TTC39A: variants seen among roughly 807,000 people sequenced by gnomAD.
TTC39A encodes the protein tetratricopeptide repeat domain 39A, also known as tetratricopeptide repeat protein 39A.
TTC39A carries 46 observed loss-of-function variants against 82.3 expected under a neutral mutation model. That is an observed-to-expected ratio of 0.56 (90% CI 0.44 to 0.71). The LOEUF (loss-of-function observed/expected upper bound fraction) is 0.71. Ranked by LOEUF, TTC39A falls within the 30% of genes least tolerant of loss-of-function variation. The pLI, the probability that TTC39A is intolerant of heterozygous loss-of-function variation, is 0.00. For missense variants in TTC39A, 543 were observed against 712.9 expected, an observed-to-expected ratio of 0.76 and a Z score of 2.71; for synonymous variants, 254 against 275.2, an observed-to-expected ratio of 0.92 and a Z score of 0.76.
rs142629285 is a variant in TTC39A, at chr1:51,321,944, C to A, written c.42-119G>T. Reference sequence around the variant, plus strand: ...CCTGGCCAGCCTTGGGTGCCTGTCACGAGCTCCTCCAGGCTGCCACTCTGT... The same window carrying A: ...CCTGGCCAGCCTTGGGTGCCTGTCAAGAGCTCCTCCAGGCTGCCACTCTGT... On this transcript the variant is annotated intron_variant, in intron 1 of 17. Coordinates refer to ENST00000680483, the MANE Select transcript of TTC39A (RefSeq NM_001297663.2). This position sits in a 1 kb window ranked among gnomAD's most constrained non-coding sequence, Gnocchi z 4.6. 1.5e-6 allele frequency: 2 copies of A among 1,317,200 alleles called. No individual in the cohort carries two copies. The highest frequency in any genetic ancestry group is 2.1e-6 in the Non-Finnish European group (2 of 947,956). 81.6% of individuals were successfully genotyped at this position (1,317,200 alleles called of 1,614,324 possible). A position where few individuals can be genotyped will look rare whatever the true frequency, so the allele number is the denominator to read the frequency against.
chr1:51,323,180 G>C (rs1049282252), intron 1 of TTC39A, among the ~76,000 whole-genome samples: 1 of 151,956 alleles, frequency 6.6e-6, no homozygotes, highest in Non-Finnish European at 1.5e-5. Flanking sequence ...AATTCCCCAA[G>C]CCAAAAATCT....
At chr1:51,344,832 G>C (rs969579552) in intron 1 of TTC39A, among the ~76,000 whole-genome samples, 10 of 152,158 alleles carry the variant, frequency 6.6e-5, no homozygotes, top group Admixed American at 6.5e-4. Context: ...GGCGCGCGGC[G>C]CTGCCCCTCT....
intron 1 of TTC39A, among the ~76,000 whole-genome samples, chr1:51,341,064 G>A (rs746028009): frequency 1.1e-4 from 16 of 152,126 alleles, no homozygotes; most frequent in South Asian, 2.1e-4. Flanking sequence ...CCAGCTACTC[G>A]GGAGGCTGAG....
chr1:51,332,624 G>A (rs1282177042), upstream of TTC39A, among the ~76,000 whole-genome samples: 1 of 152,232 alleles, frequency 6.6e-6, no homozygotes, highest in East Asian at 1.9e-4. Flanking sequence ...CTGTGCTGTT[G>A]TTACAGCGGA....
chr1:51,310,700 G>A lies in TTC39A; in HGVS notation c.423+554C>T, dbSNP rs555053930. Among the ~76,000 whole-genome samples, 5 of 152,242 alleles carry A rather than the reference G, an allele frequency of 3.3e-5. No individual in the cohort carries two copies. The South Asian group carries it at 8.3e-4, about 25-fold the overall frequency. On this transcript the variant is annotated intron_variant, in intron 5 of 17. Coordinates refer to ENST00000680483, the MANE Select transcript of TTC39A (RefSeq NM_001297663.2). ...GTGAGGAGACCTGGGCTCCAACTTC[G>A]TCAGACCTAGGTTCAAATCCCTGCT...
intron 2 of TTC39A, among the ~76,000 whole-genome samples, chr1:51,320,194 T>G (rs1052830599): frequency 6.6e-6 from 1 of 152,074 alleles, no homozygotes; most frequent in African/African-American, 2.4e-5. Flanking sequence ...TTCAGCATTT[T>G]GGGAAAAACT....
In TTC39A at chr1:51,321,911, T is replaced by C; in HGVS notation, c.42-86A>G. 1.4e-6 allele frequency: 2 copies of C among 1,416,220 alleles called. No individual in the cohort carries two copies. Among genetic ancestry groups the C allele is most frequent in the East Asian group, 2.5e-5 (1 of 40,348 alleles). 87.7% of individuals were successfully genotyped at this position (1,416,220 alleles called of 1,614,324 possible). ...TGGAACAGAGCCTCACAGGGTCTAC[T>C]CAGCCTCCCTGGCCAGCCTTGGGTG... is the stretch of plus-strand genomic sequence containing the variant. On this transcript the variant is annotated intron_variant, in intron 1 of 17. Transcript: ENST00000680483. This position sits in a 1 kb window ranked among gnomAD's most constrained non-coding sequence, Gnocchi z 4.6.
At position 51,294,097 on chromosome 1, in the gene TTC39A, C is replaced by G. The variant is rs558672502; in HGVS notation, c.1266+294G>C. 6.6e-6 allele frequency among the ~76,000 whole-genome samples: 1 copy of G among 152,354 alleles called. No homozygotes were observed. The highest frequency in any genetic ancestry group is 2.4e-5 in the African/African-American group (1 of 41,582). On this transcript the variant is annotated intron_variant, in intron 14 of 17. Coordinates refer to ENST00000680483, the MANE Select transcript of TTC39A (RefSeq NM_001297663.2). The surrounding 1 kb of genome is among the most constrained non-coding windows in gnomAD (Gnocchi z 4.3). ...GACTGGAGCAGACAGGCTGGGATCACTGGCAGCCGGGTGATGCCGCTGCCT... is the reference window on the plus strand; with the variant it reads ...GACTGGAGCAGACAGGCTGGGATCAGTGGCAGCCGGGTGATGCCGCTGCCT...
intron 1 of TTC39A, chr1:51,322,161 T>C (rs138662236): frequency 8.9e-5 from 138 of 1,550,392 alleles, no homozygotes; most frequent in East Asian, 7.6e-4. Flanking sequence ...TTCTGGCCCA[T>C]TGGGCTCTGC....
At position 51,301,957 on chromosome 1, in the gene TTC39A, C is replaced by T. The variant is rs1409145512; in HGVS notation, c.892-224G>A. The T allele has an allele frequency of 4.6e-6, 3 of 657,718 alleles. No homozygotes were observed. In the East Asian group the frequency reaches 8.2e-5, roughly 18 times the overall value. The allele number at this position is 657,718 out of a possible 1,614,324, so 40.7% of individuals were successfully genotyped here. ...CGTTGGGCTCAAATACAGCCCCCGC[C>T]TAGGACTCTGGTTTTTAGTAACAAA... On this transcript the variant is annotated intron_variant, in intron 11 of 17. Transcript: ENST00000680483.
upstream of TTC39A, among the ~76,000 whole-genome samples, chr1:51,334,195 CAAAAAAA>C (rs763569273): frequency 5.3e-5 from 2 of 38,064 alleles, no homozygotes; most frequent in East Asian, 5.6e-4. Flanking sequence ...CCTGTCTCTA[CAAAAAAA>C]AAAAAAAAAA....
At position 51,296,115 on chromosome 1, in the gene TTC39A, T is replaced by G. The variant is rs1482492674; in HGVS notation, c.1109A>C (p.His370Pro). ...CACTTCGTCGTCCCCGAACGGCTTGTGGTCCTCCTTCCCAAACATGCTGAG... is the reference window on the plus strand; with the variant it reads ...CACTTCGTCGTCCCCGAACGGCTTGGGGTCCTCCTTCCCAAACATGCTGAG... ...AYLSMFGKED[H>P]KPFGDDEVEL... The change falls in exon 13 of 18, where the codon CAC (histidine) becomes CCC (proline). Residue 370 changes from histidine to proline, a missense_variant. By Grantham distance (77) the His-to-Pro change is moderately conservative. Transcript: ENST00000680483. 1 of 1,599,766 alleles carries G rather than the reference T, an allele frequency of 6.3e-7. No individual in the cohort carries two copies. Among genetic ancestry groups the G allele is most frequent in the African/African-American group, 1.3e-5 (1 of 74,780 alleles).
chr1:51,330,095 T>C lies in TTC39A; in HGVS notation c.41+342A>G. 4 of 962,010 alleles carry C rather than the reference T, an allele frequency of 4.2e-6. No homozygotes were observed. The highest frequency in any genetic ancestry group is 4.9e-6 in the Non-Finnish European group (4 of 808,542). The allele number at this position is 962,010 out of a possible 1,614,324, so 59.6% of individuals were successfully genotyped here. ...TGCTGTGTCTCAGTTTCCTCATCTGTAATGGGGATGAGAGTAACAGGGCCC... is the reference window on the plus strand; with the variant it reads ...TGCTGTGTCTCAGTTTCCTCATCTGCAATGGGGATGAGAGTAACAGGGCCC... On this transcript the variant is annotated intron_variant, in intron 1 of 17. Coordinates refer to ENST00000680483, the MANE Select transcript of TTC39A (RefSeq NM_001297663.2). This position sits in a 1 kb window ranked among gnomAD's most constrained non-coding sequence, Gnocchi z 4.5.
Position 51,345,068 on chromosome 1 carries a change from G to A in TTC39A, c.-25C>T, listed in dbSNP as rs1340440957. 10 of 1,345,376 alleles carry A rather than the reference G, an allele frequency of 7.4e-6. No individual in the cohort carries two copies. In the African/African-American group the frequency reaches 7.7e-5, roughly 10 times the overall value. The allele number at this position is 1,345,376 out of a possible 1,614,324, so 83.3% of individuals were successfully genotyped here. A position where few individuals can be genotyped will look rare whatever the true frequency, so the allele number is the denominator to read the frequency against. On this transcript the variant is annotated 5_prime_UTR_variant, in exon 1 of 6. Transcript: ENST00000401051. The stretch of plus-strand genomic sequence containing the variant: ...TGGGCGCGGGCCGGGCTCGGACGGG[G>A]CCGCGGGCGGCCCCTCGCGGCGGCG...
At chr1:51,334,174 C>T (rs1376791146), upstream of TTC39A, among the ~76,000 whole-genome samples, 1 of 121,924 alleles carries the variant, frequency 8.2e-6, no homozygotes, top group Non-Finnish European at 1.6e-5. Flanking sequence ...GCCTGGGCAA[C>T]ATGGTGAGAC....
Position 51,303,201 on chromosome 1 carries a change from A to G in TTC39A, c.655-9T>C. On this transcript the variant is annotated splice_polypyrimidine_tract_variant and intron_variant, in intron 8 of 17. Coordinates refer to ENST00000680483, the MANE Select transcript of TTC39A (RefSeq NM_001297663.2). ...TGCAGCAGCCCATAGTCCTGAGGGG[A>G]TGGGAGGGTGGGTGAGGCTCCCAGA... The G allele has an allele frequency of 2.1e-6, 1 of 474,318 alleles. No homozygotes were observed. The highest frequency in any genetic ancestry group is 4.3e-6 in the Non-Finnish European group (1 of 233,118). The allele number at this position is 474,318 out of a possible 1,614,324, so 29.4% of individuals were successfully genotyped here.
intron 11 of TTC39A, chr1:51,302,136 G>T (rs2148175849): frequency 1.4e-6 from 1 of 735,800 alleles, no homozygotes; most frequent in Non-Finnish European, 2.5e-6. Flanking sequence ...ATATCTCCCA[G>T]TCAAAATCCC....
chr1:51,301,478 G>T, intron 12 of TTC39A, 94 bp downstream of exon 12: 2 of 1,432,240 alleles, frequency 1.4e-6, no homozygotes, highest in Non-Finnish European at 1.9e-6. Flanking sequence ...TTCCAGCTGA[G>T]ACATCTGTGT....
At chr1:51,308,976 C>T (rs1411036574) in intron 6 of TTC39A, among the ~76,000 whole-genome samples, 1 of 152,200 alleles carries the variant, frequency 6.6e-6, no homozygotes, top group African/African-American at 2.4e-5. Context: ...CCTGCCCCCA[C>T]CAGAACACCC....
Sources: allele counts gnomAD v4.1 joint callset (sites outside exome capture counted in the v4.1 genomes callset), GRCh38; gene constraint gnomAD v4.1.1; non-coding constraint Gnocchi (gnomAD v3.1); transcripts MANE v1.5; gene names NCBI Gene and HGNC (gene_info 2026-07-23, HGNC 2026-07-21).